The following PRKCA variants were observed in gnomAD, a reference collection of about 807,000 sequenced individuals.
The protein encoded by PRKCA is protein kinase C alpha.
In PRKCA, 27 loss-of-function variants were observed where a neutral mutation model predicts 87.0. The ratio of observed to expected loss-of-function variants is 0.31; its 90% confidence interval spans 0.23 to 0.43. PRKCA has a LOEUF of 0.43. Among genes scored for constraint, PRKCA ranks in the 20% least tolerant of loss-of-function variants. The probability of loss-of-function intolerance (pLI) is 1.00; values close to 1 mark genes in which losing one functional copy is unlikely to be tolerated. For missense variants in PRKCA, 518 were observed against 852.3 expected, an observed-to-expected ratio of 0.61 and a Z score of 4.88; for synonymous variants, 329 against 311.1, an observed-to-expected ratio of 1.06 and a Z score of -0.61.
intron 8 of PRKCA, among the ~76,000 whole-genome samples, chr17:66,724,114 T>C (rs1470335880): frequency 6.6e-6 from 1 of 152,052 alleles, no homozygotes; most frequent in Non-Finnish European, 1.5e-5. Flanking sequence ...AGATCTGGGA[T>C]GGGGCCCAAG....
At chr17:66,339,790 G>T (rs950309253) in intron 2 of PRKCA, 11 of 152,106 alleles carry the variant, frequency 7.2e-5, no homozygotes, top group Admixed American at 5.9e-4. Flanking sequence ...ATTTCTTCCA[G>T]TTGCCGAGCA....
chr17:66,685,083 C>CAATCTATCATG (rs1385189056), intron 5 of PRKCA, among the ~76,000 whole-genome samples: 2 of 152,152 alleles, frequency 1.3e-5, no homozygotes, highest in African/African-American at 4.8e-5. Context: ...GGCCTCCAAC[C>CAATCTATCATG]CTATAGATTC....
intron 15 of PRKCA, chr17:66,787,196 G>A (rs778945810): frequency 2.3e-5 from 17 of 730,946 alleles, no homozygotes; most frequent in Non-Finnish European, 2.6e-5. Context: ...TGCACAAACC[G>A]AACCTTGTAG....
intron 8 of PRKCA, among the ~76,000 whole-genome samples, chr17:66,700,286 G>T (rs1430578958): frequency 1.3e-5 from 2 of 152,118 alleles, no homozygotes. Context: ...AACAAATTAG[G>T]TATAAAGGAA....
At chr17:66,552,316 G>A (rs930086689) in intron 3 of PRKCA, among the ~76,000 whole-genome samples, 10 of 152,110 alleles carry the variant, frequency 6.6e-5, no homozygotes, top group African/African-American at 2.4e-4. Flanking sequence ...ACAAAAAGAT[G>A]TATTTGTTAT....
At chr17:66,655,767 C>T (rs950144760) in intron 5 of PRKCA, among the ~76,000 whole-genome samples, 2 of 152,144 alleles carry the variant, frequency 1.3e-5, no homozygotes, top group African/African-American at 2.4e-5. Flanking sequence ...GCTTTTACTG[C>T]ACTCCTCACC....
chr17:66,444,699 G>A (rs958628935), intron 2 of PRKCA, among the ~76,000 whole-genome samples: 8 of 152,124 alleles, frequency 5.3e-5, no homozygotes, highest in South Asian at 2.1e-4. Flanking sequence ...AATGAATTTC[G>A]GGGAGAATCT....
intron 2 of PRKCA, among the ~76,000 whole-genome samples, chr17:66,480,419 A>G (rs59920126): frequency 0.21 from 32,298 of 152,104 alleles, 3,630 homozygotes; most frequent in Middle Eastern, 0.24. Flanking sequence ...TCCCCAAGAT[A>G]AGCAGAGGGA....
In PRKCA at chr17:66,555,002, C is replaced by A. The variant is rs61762388; in HGVS notation, c.288+58719C>A. 7.9e-3 allele frequency among the ~76,000 whole-genome samples: 1,195 copies of A among 151,934 alleles called. 13 individuals carry two copies. The highest frequency in any genetic ancestry group is 0.028 in the African/African-American group (1,146 of 41,426). On this transcript the variant is annotated intron_variant, in intron 3 of 16. Transcript: ENST00000413366. ...TGGCAATTCTCCTGCCTCAACCTCCCGAGTAGCTGAGACTACAGGCGCACG... is the reference window on the plus strand; with the variant it reads ...TGGCAATTCTCCTGCCTCAACCTCCAGAGTAGCTGAGACTACAGGCGCACG...
At chr17:66,727,118 C>T (rs958512994) in intron 8 of PRKCA, among the ~76,000 whole-genome samples, 11 of 152,172 alleles carry the variant, frequency 7.2e-5, no homozygotes, top group South Asian at 4.1e-4. Context: ...GGTCCCCAAA[C>T]GCTGGTGGGA....
At chr17:66,696,164 T>C (rs2144070348) in intron 8 of PRKCA, among the ~76,000 whole-genome samples, 1 of 152,336 alleles carries the variant, frequency 6.6e-6, no homozygotes, top group African/African-American at 2.4e-5. Flanking sequence ...CATCGTATAT[T>C]CCTTTCATTT....
intron 5 of PRKCA, among the ~76,000 whole-genome samples, chr17:66,647,015 T>C (rs1371153585): frequency 2.0e-5 from 3 of 152,246 alleles, no homozygotes; most frequent in African/African-American, 7.2e-5. Context: ...TTCTTTTTAA[T>C]GGGCTGATGC....
At chr17:66,706,586 C>T (rs577968914) in intron 8 of PRKCA, among the ~76,000 whole-genome samples, 2 of 150,266 alleles carry the variant, frequency 1.3e-5, no homozygotes, top group South Asian at 2.1e-4. Context: ...TGCAGTGAGC[C>T]GAGATCACGC....
intron 2 of PRKCA, among the ~76,000 whole-genome samples, chr17:66,336,658 T>TATATAGTAAATTATTAAACATTC: frequency 7.6e-6 from 1 of 131,820 alleles, no homozygotes; most frequent in South Asian, 2.3e-4. Flanking sequence ...ATTAAACATT[T>TATATAGTAAATTATTAAACATTC]GCCTATATAG....
chr17:66,510,155 C>T (rs1917160600), intron 3 of PRKCA, among the ~76,000 whole-genome samples: 1 of 152,166 alleles, frequency 6.6e-6, no homozygotes, highest in South Asian at 2.1e-4. Context: ...TGACTGTATT[C>T]TCTCCCTTGG....
At position 66,701,550 on chromosome 17, in the gene PRKCA, A is replaced by G. The variant is rs1019695599; in HGVS notation, c.918+12503A>G. 1.3e-4 allele frequency among the ~76,000 whole-genome samples: 20 copies of G among 152,172 alleles called. 1 individual carries two copies. Among genetic ancestry groups the G allele is most frequent in the Admixed American group, 1.3e-3 (20 of 15,284 alleles). On this transcript the variant is annotated intron_variant, in intron 8 of 16. Transcript: ENST00000413366. ...ATAGGAGAAAATATTTGCAAACTGT[A>G]TATCCAATAAGGGTTTAATATCCAA...
intron 8 of PRKCA, among the ~76,000 whole-genome samples, chr17:66,695,976 A>G (rs1393655253): frequency 6.6e-6 from 1 of 152,208 alleles, no homozygotes; most frequent in Non-Finnish European, 1.5e-5. Context: ...GTTCTTATAA[A>G]GAGAGAAATT....
intron 10 of PRKCA, among the ~76,000 whole-genome samples, chr17:66,736,937 C>T (rs952682317): frequency 2.0e-5 from 3 of 152,194 alleles, no homozygotes; most frequent in South Asian, 2.1e-4. Flanking sequence ...TTAATACATA[C>T]TGTCTGGCCC....
intron 2 of PRKCA, among the ~76,000 whole-genome samples, chr17:66,327,193 CG>C (rs1209635653): frequency 1.3e-5 from 2 of 151,816 alleles, no homozygotes; most frequent in African/African-American, 4.8e-5. Flanking sequence ...GGTGAAACCC[CG>C]TCTCTACTAA....
Sources: gnomAD v4.1 joint callset for allele counts (sites outside exome capture counted in the v4.1 genomes callset) on GRCh38, gnomAD v4.1.1 for gene constraint, MANE v1.5 for transcripts, NCBI Gene and HGNC (gene_info 2026-07-23, HGNC 2026-07-21) for gene names.